PCDHA2: variants seen among roughly 807,000 people sequenced by gnomAD.
PCDHA2 encodes protocadherin alpha 2, also known as protocadherin alpha-2.
In PCDHA2, 58 loss-of-function variants were observed where a neutral mutation model predicts 66.0. The ratio of observed to expected loss-of-function variants is 0.88; its 90% CI spans 0.71 to 1.09. The LOEUF is 1.09. Among genes scored for constraint, PCDHA2 ranks in the 50% least tolerant of loss-of-function variants. The pLI is 0.00. For missense variants in PCDHA2, 1,267 were observed against 1,242.3 expected, an observed-to-expected ratio of 1.02 and a Z score of -0.30; for synonymous variants, 634 against 554.0, an observed-to-expected ratio of 1.14 and a Z score of -2.03.
intron 1 of PCDHA2, among the ~76,000 whole-genome samples, chr5:140,944,956 A>T (rs2093715486): frequency 6.6e-6 from 1 of 152,140 alleles, no homozygotes; most frequent in Non-Finnish European, 1.5e-5. Context: ...GAATAAGAGT[A>T]TTATCTTAAC....
intron 3 of PCDHA2, among the ~76,000 whole-genome samples, chr5:140,996,816 A>G (rs1587722851): frequency 6.6e-6 from 1 of 152,264 alleles, no homozygotes; most frequent in Non-Finnish European, 1.5e-5. Flanking sequence ...TTCCAAAAGT[A>G]ACCACTACCA....
At chr5:140,809,026 G>C in intron 1 of PCDHA2, 1 of 1,613,446 alleles carries the variant, frequency 6.2e-7, no homozygotes, top group Non-Finnish European at 8.5e-7. Flanking sequence ...AGCTGCAGCC[G>C]GGGACTGGTG....
intron 1 of PCDHA2, chr5:140,860,419 T>G (rs1239021926): frequency 6.6e-6 from 1 of 152,112 alleles, no homozygotes; most frequent in African/African-American, 2.4e-5. Context: ...AACACCATTA[T>G]CCTGCAAATA....
chr5:140,803,267 A>C lies in PCDHA2; in HGVS notation c.2388+5915A>C. The C allele has an allele frequency of 1.9e-6, 3 of 1,613,980 alleles. No individual in the cohort carries two copies. The South Asian group carries it at 3.3e-5, about 18-fold the overall frequency. The stretch of plus-strand genomic sequence containing the variant: ...CGTCCGCTGGCGCCACGGGCCCGGA[A>C]GCTGCACTGGTGGATGTCAACGTGT... On this transcript the variant is annotated intron_variant, in intron 1 of 3. Coordinates refer to ENST00000526136, the MANE Select transcript of PCDHA2 (RefSeq NM_018905.3).
At chr5:140,902,611 A>G (rs924512539) in intron 1 of PCDHA2, among the ~76,000 whole-genome samples, 1 of 151,996 alleles carries the variant, frequency 6.6e-6, no homozygotes, top group East Asian at 1.9e-4. Flanking sequence ...TTTCAGTTAC[A>G]TGGGTAAGTT....
At chr5:140,962,348 C>T (rs2095675606) in intron 1 of PCDHA2, among the ~76,000 whole-genome samples, 1 of 152,130 alleles carries the variant, frequency 6.6e-6, no homozygotes, top group South Asian at 2.1e-4. Flanking sequence ...AGTAAAACTC[C>T]CCCCAATACT....
chr5:140,809,057 G>A, intron 1 of PCDHA2: 2 of 1,613,888 alleles, frequency 1.2e-6, no homozygotes, highest in East Asian at 4.5e-5. Flanking sequence ...CCCGTTCCGC[G>A]TGGGGCTGTA....
At chr5:140,813,646 C>CTAA (rs1354512334) in intron 1 of PCDHA2, 2 of 152,114 alleles carry the variant, frequency 1.3e-5, no homozygotes, top group Admixed American at 1.3e-4. Flanking sequence ...TTACTGTGCA[C>CTAA]TAATGTAGAC....
Position 140,843,585 on chromosome 5 carries a change from C to T in PCDHA2, c.2388+46233C>T, listed in dbSNP as rs2150363108. ...AGCTGGTCATACTCGCAACAACAGC[C>T]GCAGAGGGTGTGCTCTGGTGAGGGG... On this transcript the variant is annotated intron_variant, in intron 1 of 3. Coordinates refer to ENST00000526136, the MANE Select transcript of PCDHA2 (RefSeq NM_018905.3). 2.5e-6 allele frequency: 4 copies of T among 1,596,014 alleles called. No homozygotes were observed. The South Asian group carries it at 4.4e-5, about 18-fold the overall frequency.
In PCDHA2 at chr5:140,795,894, T is replaced by C; in HGVS notation, c.930T>C (p.Tyr310=). The C allele has an allele frequency of 6.2e-7, 1 of 1,613,984 alleles. No individual in the cohort carries two copies. Among genetic ancestry groups the C allele is most frequent in the South Asian group, 1.1e-5 (1 of 91,072 alleles). ...GEIRTKGKLD[Y]EEAKSYEIQV... is the part of the protein sequence containing the mutation. ...TCAGAACTAAGGGAAAATTAGATTA[T>C]GAAGAAGCAAAGTCCTACGAGATTC... Residue 310 remains tyrosine, a synonymous_variant, in exon 1 of 4, where the codon TAT becomes TAC. Transcript: ENST00000526136.
intron 1 of PCDHA2, chr5:140,870,552 G>C: frequency 6.2e-7 from 1 of 1,614,042 alleles, no homozygotes; most frequent in Non-Finnish European, 8.5e-7. Flanking sequence ...ACGCGGACGC[G>C]CAGGAGAACG....
chr5:140,820,743 G>A (rs1177782714), intron 1 of PCDHA2, among the ~76,000 whole-genome samples: 1 of 152,002 alleles, frequency 6.6e-6, no homozygotes, highest in Admixed American at 6.6e-5. Context: ...TTGTGAAATA[G>A]TATGTCATAT....
intron 1 of PCDHA2, among the ~76,000 whole-genome samples, chr5:140,903,921 G>C (rs1282440912): frequency 6.6e-6 from 1 of 152,198 alleles, no homozygotes; most frequent in African/African-American, 2.4e-5. Flanking sequence ...CTTCCTTGCT[G>C]CATTGGATAA....
At chr5:140,869,228 G>T (rs782726206) in intron 1 of PCDHA2, 1 of 1,613,764 alleles carries the variant, frequency 6.2e-7, no homozygotes, top group South Asian at 1.1e-5. Flanking sequence ...GCCAAACACG[G>T]CACCTTCGTG....
chr5:140,848,619 G>T lies in PCDHA2; in HGVS notation c.2388+51267G>T, dbSNP rs545024019. The T allele has an allele frequency of 8.2e-6, 13 of 1,593,396 alleles. No homozygotes were observed. The highest frequency in any genetic ancestry group is 5.4e-5 in the African/African-American group (4 of 74,388). On this transcript the variant is annotated intron_variant, in intron 1 of 3. Coordinates refer to ENST00000526136, the MANE Select transcript of PCDHA2 (RefSeq NM_018905.3). ...CTCCGTCCCGGAGGAAGCCGAACAC[G>T]GCACCTTCGTGGGCCGCATCGCGCA...
chr5:140,899,056 G>A (rs1370417194), intron 1 of PCDHA2, among the ~76,000 whole-genome samples: 1 of 152,062 alleles, frequency 6.6e-6, no homozygotes, highest in Non-Finnish European at 1.5e-5. Context: ...CTGAGACTTT[G>A]CTGAAGTTGC....
intron 1 of PCDHA2, chr5:140,813,552 C>A (rs1765332337): frequency 1.3e-5 from 2 of 152,088 alleles, no homozygotes; most frequent in African/African-American, 4.8e-5. Context: ...AGGGTACTTA[C>A]CCTATGAATG....
intron 1 of PCDHA2, chr5:140,834,783 C>G (rs2150226514): frequency 3.1e-6 from 5 of 1,613,810 alleles, no homozygotes; most frequent in Non-Finnish European, 4.2e-6. Flanking sequence ...TCCGGTGTTC[C>G]CAGCGACACA....
chr5:140,939,481 A>G (rs1554212745), intron 1 of PCDHA2, among the ~76,000 whole-genome samples: 2 of 152,206 alleles, frequency 1.3e-5, no homozygotes, highest in Non-Finnish European at 2.9e-5. Flanking sequence ...CTTCATGAGA[A>G]TGTTAATTAT....
Sources: allele counts gnomAD v4.1 joint callset (sites outside exome capture counted in the v4.1 genomes callset), GRCh38; gene constraint gnomAD v4.1.1; transcripts MANE v1.5; gene names NCBI Gene and HGNC (gene_info 2026-07-23, HGNC 2026-07-21).